LCORL: variants seen among roughly 807,000 people sequenced by gnomAD.
LCORL encodes ligand dependent nuclear receptor corepressor like.
LCORL carries 41 observed loss-of-function variants against 141.8 expected under a neutral mutation model. The observed-to-expected ratio is 0.29, with a 90% CI of 0.23 to 0.38. LCORL has a LOEUF of 0.38. LCORL is among the 10% of genes least tolerant of loss of function. LCORL has a pLI of 1.00. For missense variants in LCORL, 1,759 were observed against 2,035.0 expected (o/e 0.86, Z 2.61); for synonymous variants, 618 against 694.1 (o/e 0.89, Z 1.72).
intron 1 of LCORL, among the ~76,000 whole-genome samples, chr4:17,992,118 G>A (rs1221469591): frequency 1.3e-5 from 2 of 152,164 alleles, no homozygotes; most frequent in African/African-American, 2.4e-5. Flanking sequence ...CCATGACTGG[G>A]TAATTTATAA....
At chr4:17,943,793 T>G (rs1738374060) in intron 4 of LCORL, among the ~76,000 whole-genome samples, 1 of 151,884 alleles carries the variant, frequency 6.6e-6, no homozygotes, top group Admixed American at 6.5e-5. Context: ...TTTAAAACAT[T>G]TTAGGAGTTT....
intron 5 of LCORL, among the ~76,000 whole-genome samples, chr4:17,900,204 T>C (rs1309878394): frequency 6.6e-6 from 1 of 152,116 alleles, no homozygotes; most frequent in Non-Finnish European, 1.5e-5. Flanking sequence ...TGACATTCTT[T>C]ACAAAACAGA....
chr4:17,936,001 A>C (rs1330495556), intron 4 of LCORL, among the ~76,000 whole-genome samples: 1 of 152,226 alleles, frequency 6.6e-6, no homozygotes, highest in African/African-American at 2.4e-5. Context: ...TCCAGAAATA[A>C]ATAAGAGTAC....
exon 7 of LCORL, chr4:17,875,769 A>G (rs1392207554): frequency 5.7e-6 from 7 of 1,231,148 alleles, no homozygotes; most frequent in Non-Finnish European, 7.1e-6. Context: ...TTTTCTTTTA[A>G]AAGATGGATC....
At chr4:17,935,173 G>A (rs888714747) in intron 4 of LCORL, among the ~76,000 whole-genome samples, 50 of 152,192 alleles carry the variant, frequency 3.3e-4, no homozygotes, top group Non-Finnish European at 3.5e-4. Flanking sequence ...AACATCTGGA[G>A]AGAAGACTAA....
rs1161515529 is a variant in LCORL, at chr4:17,884,199, A to G, written c.776+1869T>C. ...TGGAGAGCTGATCCTTCTAGGACTGAAGAGGTTTTGGAAACTTGATACATA... is the reference window on the plus strand; with the variant it reads ...TGGAGAGCTGATCCTTCTAGGACTGGAGAGGTTTTGGAAACTTGATACATA... On this transcript the variant is annotated intron_variant, in intron 6 of 7. Coordinates refer to ENST00000635767, the Ensembl canonical transcript of LCORL. This position sits in a 1 kb window ranked among gnomAD's most constrained non-coding sequence, Gnocchi z 4.4. 5.8e-6 allele frequency: 9 copies of G among 1,549,752 alleles called. No homozygotes were observed. The highest frequency in any genetic ancestry group is 7.9e-6 in the Non-Finnish European group (9 of 1,146,166).
chr4:17,881,555 A>G, intron 6 of LCORL: 1 of 955,282 alleles, frequency 1.0e-6, no homozygotes, highest in Non-Finnish European at 1.2e-6. Context: ...TACCTATAAA[A>G]CTACTGATTA....
chr4:17,963,510 G>C (rs1714266572), intron 2 of LCORL, among the ~76,000 whole-genome samples: 1 of 151,822 alleles, frequency 6.6e-6, no homozygotes, highest in Non-Finnish European at 1.5e-5. Context: ...TGATGCCCAA[G>C]AAAACAAGTA....
chr4:17,898,002 C>T (rs908103925), intron 5 of LCORL, among the ~76,000 whole-genome samples: 1 of 152,122 alleles, frequency 6.6e-6, no homozygotes, highest in African/African-American at 2.4e-5. Flanking sequence ...ATGGTTTGCA[C>T]TGCGTTTCCA....
intron 4 of LCORL, among the ~76,000 whole-genome samples, chr4:17,916,929 C>A (rs568777814): frequency 6.6e-6 from 1 of 152,010 alleles, no homozygotes; most frequent in South Asian, 2.1e-4. Context: ...AGCCACCATG[C>A]CTGGCCAAAG....
intron 1 of LCORL, among the ~76,000 whole-genome samples, chr4:18,019,618 A>G (rs899759889): frequency 1.4e-4 from 22 of 152,242 alleles, no homozygotes; most frequent in African/African-American, 5.1e-4. Context: ...AAGTTTGACT[A>G]TTTTTCAAGT....
At chr4:17,869,044 C>CTTTT (rs571368298) in intron 7 of LCORL, among the ~76,000 whole-genome samples, 1 of 134,046 alleles carries the variant, frequency 7.5e-6, no homozygotes, top group South Asian at 2.5e-4. Flanking sequence ...TTCCCACTAC[C>CTTTT]TTTTTTTTTT....
At chr4:17,961,141 C>G (rs2109596729) in intron 4 of LCORL, among the ~76,000 whole-genome samples, 1 of 152,130 alleles carries the variant, frequency 6.6e-6, no homozygotes. Context: ...TTCTTAATCT[C>G]AAAGTTGAGA....
chr4:17,997,648 C>T (rs1224917341), intron 1 of LCORL, among the ~76,000 whole-genome samples: 2 of 152,044 alleles, frequency 1.3e-5, no homozygotes, highest in East Asian at 3.9e-4. Context: ...CAATAAACAC[C>T]TACCTTAAAC....
intron 4 of LCORL, among the ~76,000 whole-genome samples, chr4:17,931,752 T>A (rs562040528): frequency 6.6e-6 from 1 of 152,164 alleles, no homozygotes; most frequent in Non-Finnish European, 1.5e-5. Flanking sequence ...ATGTTCCATG[T>A]ATACTTGGGA....
rs865928030 is a variant in LCORL, at chr4:17,997,435, C to T, written c.154+24163G>A. The stretch of plus-strand genomic sequence containing the variant: ...CTCTGGATCTGTCATAGTGATTCAC[C>T]TAATAAAAGTAATTGAATTTTATGG... On this transcript the variant is annotated intron_variant, in intron 1 of 7. Coordinates refer to ENST00000635767, the Ensembl canonical transcript of LCORL. Among the ~76,000 whole-genome samples, 8 of 152,212 alleles carry T rather than the reference C, an allele frequency of 5.3e-5. No homozygotes were observed. In the South Asian group the frequency reaches 1.7e-3, roughly 32 times the overall value.
chr4:17,960,199 A>C (rs886996776), intron 4 of LCORL: 1 of 154,358 alleles, frequency 6.5e-6, no homozygotes, highest in African/African-American at 2.4e-5. Flanking sequence ...AAAACTCTGC[A>C]ATCTTTCAAA....
intron 1 of LCORL, among the ~76,000 whole-genome samples, chr4:17,984,999 A>C (rs75355501): frequency 6.6e-6 from 1 of 152,074 alleles, no homozygotes; most frequent in African/African-American, 2.4e-5. Flanking sequence ...TTTTTGCTTT[A>C]ATTTCATTAT....
chr4:17,852,984 A>G (rs1723938172), intron 7 of LCORL, among the ~76,000 whole-genome samples: 1 of 152,044 alleles, frequency 6.6e-6, no homozygotes. Flanking sequence ...GGTGCAACCA[A>G]GACAGGTCTG....
Sources: allele counts gnomAD v4.1 joint callset (sites outside exome capture counted in the v4.1 genomes callset), GRCh38; gene constraint gnomAD v4.1.1; non-coding constraint Gnocchi (gnomAD v3.1); transcripts MANE v1.5; gene names NCBI Gene and HGNC (gene_info 2026-07-23, HGNC 2026-07-21).